Variants in CHRDL1 observed in about 807,000 individuals in gnomAD.
CHRDL1 encodes chordin-like protein 1.
A neutral mutation model predicts 40.9 loss-of-function variants in CHRDL1; 19 were observed. That is an observed-to-expected ratio of 0.46 (90% CI 0.32 to 0.68). The LOEUF (loss-of-function observed/expected upper bound fraction) is 0.68, where lower values mean the gene tolerates loss of function less well. Among genes scored for constraint, CHRDL1 ranks in the 30% least tolerant of loss-of-function variants. CHRDL1 has a pLI of 0.03. For synonymous variants in CHRDL1, 136 were observed against 123.4 expected (o/e 1.10, Z -0.68); for missense variants, 329 against 352.1 (o/e 0.93, Z 0.53).
At chrX:110,713,069 C>G (rs2070774149) in intron 6 of CHRDL1, among the ~76,000 whole-genome samples, 1 of 110,972 alleles carries the variant, frequency 9.0e-6, no homozygotes, top group African/African-American at 3.3e-5. Flanking sequence ...TCTTTCCTCA[C>G]CCTGGAGTGC....
intron 3 of CHRDL1, among the ~76,000 whole-genome samples, chrX:110,761,807 T>C (rs1441655573): frequency 8.9e-6 from 1 of 112,499 alleles, no homozygotes; most frequent in African/African-American, 3.2e-5. Flanking sequence ...GGGAAGAAGA[T>C]GGAACAACCT....
chrX:110,686,414 G>C (rs369203854), intron 9 of CHRDL1, among the ~76,000 whole-genome samples: 2 of 111,474 alleles, frequency 1.8e-5, no homozygotes, highest in African/African-American at 6.5e-5. Flanking sequence ...TGTTATCATG[G>C]GTAATTTGTG....
At chrX:110,780,687 A>G (rs748741668) in intron 2 of CHRDL1, among the ~76,000 whole-genome samples, 1 of 111,851 alleles carries the variant, frequency 8.9e-6, no homozygotes, top group East Asian at 2.8e-4. Context: ...AACCTTCCAG[A>G]AAAGCCACAG....
chrX:110,787,375 A>G (rs2090033144), intron 2 of CHRDL1, among the ~76,000 whole-genome samples: 2 of 111,946 alleles, frequency 1.8e-5, no homozygotes, highest in South Asian at 7.5e-4. Flanking sequence ...AGCCTCCATG[A>G]CAAAACCTAC....
At chrX:110,759,254 C>T (rs73528260) in intron 4 of CHRDL1, among the ~76,000 whole-genome samples, 2,768 of 111,758 alleles carry the variant, frequency 0.025, 87 homozygotes, top group African/African-American at 0.085. Context: ...TTATGAATGG[C>T]CCCCTCATAA....
intron 4 of CHRDL1, among the ~76,000 whole-genome samples, chrX:110,748,189 C>T (rs1438333804): frequency 1.8e-5 from 2 of 111,964 alleles, no homozygotes; most frequent in Non-Finnish European, 3.8e-5. Flanking sequence ...TTCAACATCA[C>T]CTCATAGGTT....
At chrX:110,768,698 GT>G (rs2089704512) in intron 2 of CHRDL1, among the ~76,000 whole-genome samples, 1 of 110,618 alleles carries the variant, frequency 9.0e-6, no homozygotes, top group Admixed American at 9.6e-5. Context: ...TATACCAGTG[GT>G]TTGCCAGGGG....
rs1488240173 is a variant in CHRDL1, at chrX:110,689,530, A to C, written c.779-727T>G. On this transcript the variant is annotated intron_variant, in intron 8 of 11. Transcript: ENST00000372042. The stretch of plus-strand genomic sequence containing the variant: ...TATCTATATCTCTATATATCTATCT[A>C]TATATCTCTATATCTCTATATATCT... Among the ~76,000 whole-genome samples the C allele has an allele frequency of 1.6e-4, 8 of 50,530 alleles. 2 individuals carry two copies. In the South Asian group the frequency reaches 2.0e-3, roughly 13 times the overall value. 43.9% of individuals were successfully genotyped at this position (50,530 alleles called of 115,157 possible).
intron 2 of CHRDL1, among the ~76,000 whole-genome samples, chrX:110,772,617 C>CGT (rs200144623): frequency 0.028 from 3,164 of 112,572 alleles, 105 homozygotes; most frequent in African/African-American, 0.096. Flanking sequence ...CCAGCCTGAG[C>CGT]GATAGAGCAA....
intron 10 of CHRDL1, among the ~76,000 whole-genome samples, chrX:110,680,270 G>A (rs1258207078): frequency 8.9e-6 from 1 of 111,827 alleles, no homozygotes; most frequent in East Asian, 2.8e-4. Context: ...CTGGGGAAAC[G>A]CAACAAACCA....
chrX:110,745,903 T>G (rs1031533166), intron 4 of CHRDL1, among the ~76,000 whole-genome samples: 4 of 112,220 alleles, frequency 3.6e-5, no homozygotes, highest in Non-Finnish European at 7.5e-5. Flanking sequence ...TAGGCTTCTC[T>G]GACTAAGGCT....
At chrX:110,732,713 C>A (rs2071189084) in intron 4 of CHRDL1, among the ~76,000 whole-genome samples, 1 of 107,896 alleles carries the variant, frequency 9.3e-6, no homozygotes, top group South Asian at 4.2e-4. Context: ...AGAGAGTGTG[C>A]AAGAAAGGGC....
At chrX:110,745,296 G>A (rs185608727) in intron 4 of CHRDL1, among the ~76,000 whole-genome samples, 13 of 111,474 alleles carry the variant, frequency 1.2e-4, no homozygotes, top group African/African-American at 3.9e-4. Flanking sequence ...GAGGAAAGGG[G>A]ATGCAAAAAG....
chrX:110,727,553 T>C (rs1314733052), intron 4 of CHRDL1, among the ~76,000 whole-genome samples: 1 of 111,626 alleles, frequency 9.0e-6, no homozygotes, highest in African/African-American at 3.3e-5. Flanking sequence ...CATAACCCAA[T>C]GGTAAAAATG....
intron 6 of CHRDL1, among the ~76,000 whole-genome samples, chrX:110,701,184 T>C (rs1462857971): frequency 9.0e-6 from 1 of 111,457 alleles, no homozygotes; most frequent in Non-Finnish European, 1.9e-5. Flanking sequence ...GAGAACTCCT[T>C]ATCATTATCT....
chrX:110,745,819 ATGAG>A (rs1051976953), intron 4 of CHRDL1, among the ~76,000 whole-genome samples: 1 of 112,046 alleles, frequency 8.9e-6, no homozygotes, highest in African/African-American at 3.3e-5. Context: ...TGAAATTAAT[ATGAG>A]TGAGTGAGTG....
intron 11 of CHRDL1, among the ~76,000 whole-genome samples, chrX:110,677,852 T>C (rs1207652680): frequency 8.9e-6 from 1 of 111,901 alleles, no homozygotes; most frequent in Non-Finnish European, 1.9e-5. Flanking sequence ...TTCTTCACAG[T>C]TTCCCTGTTG....
At chrX:110,686,966 A>G (rs1190789329) in intron 9 of CHRDL1, among the ~76,000 whole-genome samples, 1 of 109,815 alleles carries the variant, frequency 9.1e-6, no homozygotes, top group Non-Finnish European at 1.9e-5. Flanking sequence ...ATAAATTTCA[A>G]TGCCCCAGTT....
Position 110,679,197 on chromosome X carries a change from G to T in CHRDL1, c.1246+139C>A, listed in dbSNP as rs919126655. 1.6e-5 allele frequency: 8 copies of T among 487,869 alleles called. No individual in the cohort carries two copies. The African/African-American group carries it at 1.9e-4, about 11-fold the overall frequency. 40.2% of individuals were successfully genotyped at this position (487,869 alleles called of 1,213,427 possible). ...CCATTCACTGCTAAGTCACCCAGAA[G>T]AGAGATGGAACATCCTTTAGTGTTG... On this transcript the variant is annotated intron_variant, in intron 11 of 11. Coordinates refer to ENST00000372042, the MANE Select transcript of CHRDL1 (RefSeq NM_001143981.2).
Sources: gnomAD v4.1 joint callset for allele counts (sites outside exome capture counted in the v4.1 genomes callset) on GRCh38, gnomAD v4.1.1 for gene constraint, MANE v1.5 for transcripts, NCBI Gene and HGNC (gene_info 2026-07-23, HGNC 2026-07-21) for gene names.